Variants in ATG4C observed in about 807,000 individuals in gnomAD.
The protein encoded by ATG4C is cysteine protease ATG4C.
ATG4C carries 56 observed loss-of-function variants against 57.6 expected under a neutral mutation model. The ratio of observed to expected loss-of-function variants is 0.97; its 90% CI spans 0.78 to 1.21. The LOEUF (loss-of-function observed/expected upper bound fraction) is 1.21. Ranked by LOEUF, ATG4C falls within the 50% of genes most tolerant of loss-of-function variation. The probability of loss-of-function intolerance (pLI) is 0.00; values close to 1 mark genes in which losing one functional copy is unlikely to be tolerated. For missense variants in ATG4C, 595 were observed against 529.8 expected, an observed-to-expected ratio of 1.12 and a Z score of -1.21; for synonymous variants, 157 against 174.1, an observed-to-expected ratio of 0.90 and a Z score of 0.78.
intron 4 of ATG4C, among the ~76,000 whole-genome samples, chr1:62,818,057 G>T (rs967769621): frequency 2.0e-5 from 3 of 151,394 alleles, no homozygotes; most frequent in Middle Eastern, 3.4e-3. Flanking sequence ...GTCCTCACTA[G>T]ATCTCTGAAT....
chr1:62,809,505 T>G (rs942748154), intron 3 of ATG4C, among the ~76,000 whole-genome samples: 10 of 147,414 alleles, frequency 6.8e-5, no homozygotes, highest in Non-Finnish European at 1.3e-4. Flanking sequence ...TAATATATAG[T>G]CTACAATTAT....
intron 9 of ATG4C, among the ~76,000 whole-genome samples, chr1:62,836,428 C>T (rs535488030): frequency 3.3e-5 from 5 of 151,992 alleles, no homozygotes; most frequent in African/African-American, 1.2e-4. Flanking sequence ...TGGAAAATTC[C>T]TGTTAAAAAT....
Position 62,852,301 on chromosome 1 carries a change from ACCT to A in ATG4C, c.1209+10758_1209+10760del, listed in dbSNP as rs1666540801. ...AAAGGAAACTGGAGAACTTGGAGTA[ACCT>A]CCTTACACAGGCATGAGGAGAATAT... On this transcript the variant is annotated intron_variant, in intron 10 of 10. Transcript: ENST00000317868. Among the ~76,000 whole-genome samples, 3 of 152,168 alleles carry A rather than the reference ACCT, an allele frequency of 2.0e-5. No homozygotes were observed. In the South Asian group the frequency reaches 6.2e-4, roughly 32 times the overall value.
intron 1 of ATG4C, among the ~76,000 whole-genome samples, chr1:62,788,555 C>T (rs2100273386): frequency 6.6e-6 from 1 of 152,192 alleles, no homozygotes; most frequent in East Asian, 1.9e-4. Flanking sequence ...CTAGCACATT[C>T]TCTTATATAA....
chr1:62,847,250 G>A (rs562766522), intron 10 of ATG4C, among the ~76,000 whole-genome samples: 5 of 152,120 alleles, frequency 3.3e-5, no homozygotes, highest in East Asian at 1.9e-4. Flanking sequence ...ACCATAAGTC[G>A]AAGCACTGAC....
chr1:62,859,642 C>G (rs1666789308), intron 10 of ATG4C, among the ~76,000 whole-genome samples: 2 of 152,154 alleles, frequency 1.3e-5, no homozygotes, highest in Admixed American at 1.3e-4. Context: ...TTAGGCTACA[C>G]TAAATTTATG....
chr1:62,793,195 T>A (rs982418852), intron 1 of ATG4C, among the ~76,000 whole-genome samples: 4 of 152,090 alleles, frequency 2.6e-5, no homozygotes, highest in South Asian at 2.1e-4. Flanking sequence ...CATGATTTTT[T>A]AAATTCTTTT....
At chr1:62,810,711 G>GT (rs10677674) in intron 3 of ATG4C, among the ~76,000 whole-genome samples, 62,441 of 141,420 alleles carry the variant, frequency 0.44, 13,478 homozygotes, top group East Asian at 0.67. Flanking sequence ...TTGAGTCCTT[G>GT]TTTTTTTTTT....
At chr1:62,839,758 G>A (rs1457991139) in intron 9 of ATG4C, among the ~76,000 whole-genome samples, 6 of 152,160 alleles carry the variant, frequency 3.9e-5, no homozygotes, top group Admixed American at 3.9e-4. Context: ...GTGCCATGGA[G>A]GTTCCAGTTT....
intron 9 of ATG4C, among the ~76,000 whole-genome samples, chr1:62,838,651 G>A (rs12087034): frequency 0.15 from 22,720 of 151,814 alleles, 1,800 homozygotes; most frequent in South Asian, 0.2. Flanking sequence ...GTGGTGGTGC[G>A]CACCTGTAAT....
chr1:62,847,471 TAGAAG>T (rs749191787), intron 10 of ATG4C, among the ~76,000 whole-genome samples: 1 of 152,056 alleles, frequency 6.6e-6, no homozygotes, highest in Non-Finnish European at 1.5e-5. Context: ...GAAAGAAAAA[TAGAAG>T]AGACATAATT....
intron 1 of ATG4C, among the ~76,000 whole-genome samples, chr1:62,792,812 G>A (rs1177860239): frequency 6.6e-6 from 1 of 152,050 alleles, no homozygotes; most frequent in East Asian, 1.9e-4. Context: ...TACTGTATAG[G>A]TGGTTGAACC....
rs548674087 is a variant in ATG4C at position 62,862,572 on chromosome 1, C to T, written c.1210-1420C>T. Among the ~76,000 whole-genome samples the T allele has an allele frequency of 2.0e-5, 3 of 152,058 alleles. No homozygotes were observed. In the South Asian group the frequency reaches 6.2e-4, roughly 32 times the overall value. On this transcript the variant is annotated intron_variant, in intron 10 of 10. Transcript: ENST00000317868. ...TTTCATTTTACACATTTTTGGTCTT[C>T]TCTCTTCTCTTTTTTGTAGTATATA...
intron 10 of ATG4C, among the ~76,000 whole-genome samples, chr1:62,861,149 C>T (rs1666837381): frequency 6.6e-6 from 1 of 152,100 alleles, no homozygotes; most frequent in African/African-American, 2.4e-5. Context: ...CCACTGAATT[C>T]CCTTTTAAAA....
chr1:62,861,736 T>C (rs955048682), intron 10 of ATG4C, among the ~76,000 whole-genome samples: 1 of 152,162 alleles, frequency 6.6e-6, no homozygotes, highest in Admixed American at 6.5e-5. Flanking sequence ...TTTAACATAA[T>C]TGAAACTAAA....
In ATG4C at chr1:62,829,095, A is replaced by C; in HGVS notation, c.852A>C (p.Ala284=). Residue 284 remains alanine (A), a synonymous_variant, in exon 7 of 11, where the codon GCA becomes GCC. Coordinates refer to ENST00000317868, the MANE Select transcript of ATG4C (RefSeq NM_032852.4). ...GTGCTTCCATGACTTCTGATAATGC[A>C]GATGACAAAGCTGTTATTATTCTAG... The part of the protein sequence containing the change: ...KQSASMTSDN[A]DDKAVIILVP... The C allele has an allele frequency of 6.2e-7, 1 of 1,613,128 alleles. No individual in the cohort carries two copies.
intron 1 of ATG4C, among the ~76,000 whole-genome samples, chr1:62,794,687 A>G (rs557423322): frequency 3.9e-5 from 6 of 152,330 alleles, no homozygotes; most frequent in South Asian, 2.1e-4. Context: ...TCTCCCCTTC[A>G]TATTTGCCAC....
At chr1:62,812,898 G>C (rs1665134388) in intron 3 of ATG4C, among the ~76,000 whole-genome samples, 2 of 152,058 alleles carry the variant, frequency 1.3e-5, no homozygotes, top group African/African-American at 4.8e-5. Context: ...AAAATACTTA[G>C]GAATCCAACT....
At chr1:62,816,959 G>C in intron 4 of ATG4C, 151 bp downstream of exon 4, 1 of 653,912 alleles carries the variant, frequency 1.5e-6, no homozygotes, top group Non-Finnish European at 2.5e-6. Flanking sequence ...CTAATTTGGT[G>C]TATTGCATTT....
Sources: allele counts gnomAD v4.1 joint callset (sites outside exome capture counted in the v4.1 genomes callset), GRCh38; gene constraint gnomAD v4.1.1; transcripts MANE v1.5; gene names NCBI Gene and HGNC (gene_info 2026-07-23, HGNC 2026-07-21).